The following KLHL7 variants were observed in gnomAD, a reference collection of about 807,000 sequenced individuals.
KLHL7 encodes kelch-like protein 7.
Under a neutral mutation model 67.4 loss-of-function variants are expected in KLHL7, and 44 were observed. The observed-to-expected ratio is 0.65, with a 90% confidence interval of 0.51 to 0.84. The LOEUF (loss-of-function observed/expected upper bound fraction) is 0.84. KLHL7 is among the 40% of genes least tolerant of loss of function. KLHL7 has a pLI of 0.00. For synonymous variants in KLHL7, 252 were observed against 243.3 expected (o/e 1.04, Z -0.33); for missense variants, 362 against 718.1 (o/e 0.50, Z 5.67).
chr7:23,109,941 A>G (rs981932381), intron 1 of KLHL7, among the ~76,000 whole-genome samples: 1 of 152,088 alleles, frequency 6.6e-6, no homozygotes, highest in Admixed American at 6.5e-5. Context: ...CTGTCTCTCC[A>G]GTGTCCCAGT....
chr7:23,155,468 G>A (rs928878777), intron 7 of KLHL7, among the ~76,000 whole-genome samples: 1 of 152,140 alleles, frequency 6.6e-6, no homozygotes, highest in Non-Finnish European at 1.5e-5. Context: ...TTTGAGACCA[G>A]CCTGGGCAAC....
At chr7:23,161,521 A>C (rs1784853749) in intron 7 of KLHL7, among the ~76,000 whole-genome samples, 1 of 152,240 alleles carries the variant, frequency 6.6e-6, no homozygotes, top group South Asian at 2.1e-4. Flanking sequence ...TCCTAGGAGA[A>C]AAATTGCTCT....
chr7:23,106,019 G>T lies in KLHL7; in HGVS notation c.-8G>T, dbSNP rs1782619196. On this transcript the variant is annotated 5_prime_UTR_variant, in exon 1 of 11. Transcript: ENST00000339077. Reference sequence around the variant, plus strand: ...GCGAGCCCCGGGCGTGAACCGAGCTGAGGGAGGATGGCAGCCTCTGGGGTG... The same window carrying T: ...GCGAGCCCCGGGCGTGAACCGAGCTTAGGGAGGATGGCAGCCTCTGGGGTG... 2.5e-6 allele frequency: 4 copies of T among 1,609,564 alleles called. No individual in the cohort carries two copies. The highest frequency in any genetic ancestry group is 3.4e-6 in the Non-Finnish European group (4 of 1,178,784).
Position 23,174,343 on chromosome 7 carries a change from C to G in KLHL7, c.*45C>G, listed in dbSNP as rs1427694702. On this transcript the variant is annotated 3_prime_UTR_variant, in exon 11 of 11. Coordinates refer to ENST00000339077, the MANE Select transcript of KLHL7 (RefSeq NM_001031710.3). ...CTCATCAGAGACTCTAAAATATAGC[C>G]ACCAGTGCTTTGTTCCAGGAGTTTG... is the stretch of plus-strand genomic sequence containing the variant. 6.3e-7 allele frequency: 1 copy of G among 1,596,970 alleles called. No homozygotes were observed. Among genetic ancestry groups the G allele is most frequent in the Non-Finnish European group, 8.6e-7 (1 of 1,164,912 alleles).
intron 7 of KLHL7, among the ~76,000 whole-genome samples, chr7:23,162,132 GT>G (rs1562588872): frequency 6.6e-6 from 1 of 152,114 alleles, no homozygotes; most frequent in Non-Finnish European, 1.5e-5. Context: ...CCAGTCCTTT[GT>G]TCTTTCTAGT....
At chr7:23,137,706 T>C (rs895406217) in intron 4 of KLHL7, among the ~76,000 whole-genome samples, 5 of 150,054 alleles carry the variant, frequency 3.3e-5, no homozygotes, top group African/African-American at 9.8e-5. Flanking sequence ...CTCGAACTCC[T>C]GACCTCAAGT....
intron 4 of KLHL7, among the ~76,000 whole-genome samples, chr7:23,136,870 T>G (rs145518585): frequency 9.6e-4 from 147 of 152,346 alleles, no homozygotes; most frequent in African/African-American, 3.4e-3. Context: ...AGAAGGAAAT[T>G]GGTAGCCTTA....
At chr7:23,149,721 C>A (rs1784472310) in intron 6 of KLHL7, among the ~76,000 whole-genome samples, 1 of 152,144 alleles carries the variant, frequency 6.6e-6, no homozygotes, top group Non-Finnish European at 1.5e-5. Context: ...AAAGAATATT[C>A]CACAGAAACC....
At chr7:23,106,485 T>G in intron 1 of KLHL7, 1 of 1,186,214 alleles carries the variant, frequency 8.4e-7, no homozygotes, top group Non-Finnish European at 1.1e-6. Context: ...GCGAGCCGTT[T>G]TAAGGTGCCG....
rs776123064 is a variant in KLHL7 at position 23,174,713 on chromosome 7, G to C, written c.*415G>C. On this transcript the variant is annotated 3_prime_UTR_variant, in exon 11 of 11. Coordinates refer to ENST00000339077, the MANE Select transcript of KLHL7 (RefSeq NM_001031710.3). ...GTGCTCAGTCAAGAACTAAGAAATAGTATGAATTGTAAGTCAAGATGGGCA... is the reference window on the plus strand; with the variant it reads ...GTGCTCAGTCAAGAACTAAGAAATACTATGAATTGTAAGTCAAGATGGGCA... 26 of 455,444 alleles carry C rather than the reference G, an allele frequency of 5.7e-5. No homozygotes were observed. Among genetic ancestry groups the C allele is most frequent in the Non-Finnish European group, 9.7e-5 (22 of 227,546 alleles). 28.2% of individuals were successfully genotyped at this position (455,444 alleles called of 1,614,324 possible).
rs148951449 is a variant in KLHL7 at position 23,145,703 on chromosome 7, A to AT, written c.793+1679dup. Among the ~76,000 whole-genome samples, 123 of 152,312 alleles carry AT rather than the reference A, an allele frequency of 8.1e-4. 2 individuals are homozygous for AT. In the East Asian group the frequency reaches 0.022, roughly 27 times the overall value. On this transcript the variant is annotated intron_variant, in intron 6 of 10. Coordinates refer to ENST00000339077, the MANE Select transcript of KLHL7 (RefSeq NM_001031710.3). Reference sequence around the variant, plus strand: ...GAACTGGATGAAGTAATATTTTGCTATGCAGACTTTCACTTAATCCATATT... The same window carrying AT: ...GAACTGGATGAAGTAATATTTTGCTATTGCAGACTTTCACTTAATCCATATT...
Position 23,177,420 on chromosome 7 carries a change from G to A in KLHL7, c.*3122G>A, listed in dbSNP as rs1583748645. On this transcript the variant is annotated 3_prime_UTR_variant, in exon 11 of 11. Coordinates refer to ENST00000339077, the MANE Select transcript of KLHL7 (RefSeq NM_001031710.3). ...CACACTATAGTAAATACATACACAG[G>A]TTTGATGTGGATTATAATGAAGTGG... 6.6e-6 allele frequency: 1 copy of A among 152,256 alleles called. No individual in the cohort carries two copies. Among genetic ancestry groups the A allele is most frequent in the Non-Finnish European group, 1.5e-5 (1 of 68,014 alleles). The allele number at this position is 152,256 out of a possible 1,614,324, so 9.4% of individuals were successfully genotyped here.
intron 7 of KLHL7, among the ~76,000 whole-genome samples, chr7:23,165,118 T>C (rs858313): frequency 0.075 from 11,377 of 152,232 alleles, 611 homozygotes; most frequent in African/African-American, 0.14. Context: ...CCAGAGTACT[T>C]AGAAGAGATT....
At chr7:23,126,551 G>A (rs1783580733) in intron 4 of KLHL7, among the ~76,000 whole-genome samples, 1 of 152,142 alleles carries the variant, frequency 6.6e-6, no homozygotes, top group Admixed American at 6.5e-5. Flanking sequence ...GAAGAGGGGT[G>A]CTAAATGACA....
intron 1 of KLHL7, among the ~76,000 whole-genome samples, chr7:23,119,762 G>T (rs1470660573): frequency 6.6e-6 from 1 of 150,896 alleles, no homozygotes; most frequent in Admixed American, 6.6e-5. Context: ...TTATTTTGTT[G>T]CTTCTATGAC....
chr7:23,113,366 G>A (rs1195148242), intron 1 of KLHL7, among the ~76,000 whole-genome samples: 1 of 152,118 alleles, frequency 6.6e-6, no homozygotes, highest in Non-Finnish European at 1.5e-5. Context: ...GGCTAATATA[G>A]GCAGGTCACA....
chr7:23,121,537 C>T (rs1783341174), intron 1 of KLHL7, among the ~76,000 whole-genome samples: 1 of 151,492 alleles, frequency 6.6e-6, no homozygotes, highest in African/African-American at 2.4e-5. Flanking sequence ...TAGGCTCAAG[C>T]AATCCACCTG....
At chr7:23,107,068 TG>T (rs1272344388) in intron 1 of KLHL7, among the ~76,000 whole-genome samples, 2 of 152,184 alleles carry the variant, frequency 1.3e-5, no homozygotes, top group Non-Finnish European at 2.9e-5. Context: ...GCTGGGAATA[TG>T]GGCAACAGTA....
intron 4 of KLHL7, among the ~76,000 whole-genome samples, chr7:23,131,242 T>C (rs905249559): frequency 1.3e-5 from 2 of 152,210 alleles, no homozygotes; most frequent in African/African-American, 4.8e-5. Context: ...TGATGCTAAA[T>C]CAAATGAAAC....
Sources: gnomAD v4.1 joint callset for allele counts (sites outside exome capture counted in the v4.1 genomes callset) on GRCh38, gnomAD v4.1.1 for gene constraint, MANE v1.5 for transcripts, NCBI Gene and HGNC (gene_info 2026-07-23, HGNC 2026-07-21) for gene names.